Variants in TSHZ3 observed in about 807,000 individuals in gnomAD.
The protein encoded by TSHZ3 is teashirt homolog 3.
A neutral mutation model predicts 64.5 loss-of-function variants in TSHZ3; 10 were observed. The observed-to-expected ratio is 0.16, with a 90% CI of 0.10 to 0.26. TSHZ3 has a LOEUF of 0.26. Among genes scored for constraint, TSHZ3 ranks in the 10% least tolerant of loss-of-function variants. The probability of loss-of-function intolerance (pLI) is 1.00; values close to 1 mark genes in which losing one functional copy is unlikely to be tolerated. For synonymous variants in TSHZ3, 608 were observed against 593.1 expected (o/e 1.03, Z -0.36); for missense variants, 1,242 against 1,421.7 (o/e 0.87, Z 2.03).
chr19:31,350,699 G>T (rs1168269408), upstream of TSHZ3, among the ~76,000 whole-genome samples: 1 of 151,362 alleles, frequency 6.6e-6, no homozygotes, highest in African/African-American at 2.4e-5. Flanking sequence ...GTGGGCGGCG[G>T]GGCGACGCGG....
chr19:31,236,850 A>C (rs781024668), intron 3 of TSHZ3, among the ~76,000 whole-genome samples: 15 of 152,338 alleles, frequency 9.8e-5, no homozygotes, highest in Non-Finnish European at 1.8e-4. Flanking sequence ...TTTGTACAGC[A>C]AAAGAAACAA....
At chr19:31,307,498 G>A (rs565882677) in intron 1 of TSHZ3, among the ~76,000 whole-genome samples, 27 of 151,838 alleles carry the variant, frequency 1.8e-4, no homozygotes, top group Non-Finnish European at 3.4e-4. Context: ...AGCAGCACGC[G>A]GCACGGGGCT....
At chr19:31,169,138 G>A (rs1385752198) in intron 5 of TSHZ3, among the ~76,000 whole-genome samples, 1 of 151,954 alleles carries the variant, frequency 6.6e-6, no homozygotes, top group Non-Finnish European at 1.5e-5. Flanking sequence ...GAGAGAGAGA[G>A]AGAGACTAGT....
Position 31,259,292 on chromosome 19 carries a change from TAA to T in TSHZ3, n.64-16419_64-16418del, listed in dbSNP as rs575957800. ...CTTTTGGGTCGACTAAATTTTTAAATAAGTGATAAAATTATATTAGCGCAATT... is the reference window on the plus strand; with the variant it reads ...CTTTTGGGTCGACTAAATTTTTAAATGTGATAAAATTATATTAGCGCAATT... On this transcript the variant is annotated intron_variant and non_coding_transcript_variant, in intron 1 of 6. Transcript: ENST00000651361. Among the ~76,000 whole-genome samples the T allele has an allele frequency of 4.4e-3, 677 of 152,332 alleles. 10 individuals carry two copies. Among genetic ancestry groups the T allele is most frequent in the African/African-American group, 0.016 (655 of 41,582 alleles).
At chr19:31,268,840 C>A (rs1277241579) in intron 1 of TSHZ3, among the ~76,000 whole-genome samples, 12 of 152,100 alleles carry the variant, frequency 7.9e-5, no homozygotes, top group Admixed American at 7.9e-4. Context: ...TTTACGGCTG[C>A]CTCCCCGGGC....
chr19:31,180,947 T>A (rs936663730), intron 5 of TSHZ3, among the ~76,000 whole-genome samples: 1 of 151,812 alleles, frequency 6.6e-6, no homozygotes, highest in Non-Finnish European at 1.5e-5. Context: ...GATGTCACCA[T>A]CTTGTCAACT....
At chr19:31,286,034 C>T (rs1038235019) in intron 1 of TSHZ3, among the ~76,000 whole-genome samples, 17 of 152,108 alleles carry the variant, frequency 1.1e-4, no homozygotes, top group African/African-American at 4.1e-4. Context: ...CGACTGGGCA[C>T]CCGCATTCCA....
intron 5 of TSHZ3, among the ~76,000 whole-genome samples, chr19:31,166,205 A>T (rs1974449970): frequency 6.6e-6 from 1 of 152,204 alleles, no homozygotes; most frequent in Admixed American, 6.5e-5. Context: ...CACTGAGAAG[A>T]GAGGGGAGCC....
intron 1 of TSHZ3, among the ~76,000 whole-genome samples, chr19:31,323,408 T>C (rs1343439406): frequency 1.3e-5 from 2 of 152,280 alleles, no homozygotes; most frequent in African/African-American, 2.4e-5. Flanking sequence ...ATAGGTTTAA[T>C]TGTAAAACAT....
In TSHZ3 at chr19:31,279,067, G is replaced by T. The variant is rs1439130925; in HGVS notation, c.726C>A (p.Asp242Glu). Residue 242 changes from aspartate (D) to glutamate (E), a missense_variant, in exon 2 of 2, where the codon GAC (aspartate) becomes GAA (glutamate). Around this residue, in one of 4 missense-constraint regions of TSHZ3, gnomAD observed 555 missense variants for 704.0 expected, o/e 0.79. Coordinates refer to ENST00000240587, the MANE Select transcript of TSHZ3 (RefSeq NM_020856.4). The surrounding 1 kb of genome is among the most constrained non-coding windows in gnomAD (Gnocchi z 6.4). ...GGTTGTTGTTATCGGTCTCATGGTT[G>T]TCGTCGCGGTAATGCCCCGTCTCGT... is the stretch of plus-strand genomic sequence containing the variant. ...HMNETGHYRD[D>E]NHETDNNNPK... 1 of 1,614,110 alleles carries T rather than the reference G, an allele frequency of 6.2e-7. No individual in the cohort carries two copies. Among genetic ancestry groups the T allele is most frequent in the South Asian group, 1.1e-5 (1 of 91,066 alleles).
At chr19:31,274,131 ATG>A (rs993065437), downstream of TSHZ3, among the ~76,000 whole-genome samples, 4 of 151,780 alleles carry the variant, frequency 2.6e-5, no homozygotes, top group East Asian at 1.9e-4. Flanking sequence ...TTAATAAAAT[ATG>A]TGTTTTTTTT....
chr19:31,253,676 T>C (rs146426027), intron 1 of TSHZ3, among the ~76,000 whole-genome samples: 1 of 152,174 alleles, frequency 6.6e-6, no homozygotes, highest in East Asian at 1.9e-4. Context: ...AATGATCATA[T>C]ATGTAAAAAG....
At chr19:31,214,947 A>G (rs554605827) in intron 4 of TSHZ3, among the ~76,000 whole-genome samples, 1 of 151,316 alleles carries the variant, frequency 6.6e-6, no homozygotes, top group Non-Finnish European at 1.5e-5. Context: ...CGAGCATTCA[A>G]CCCTCATCCA....
chr19:31,277,040 G>A lies in TSHZ3; in HGVS notation c.2753C>T (p.Ser918Leu), dbSNP rs199819394. 1.9e-6 allele frequency: 3 copies of A among 1,610,446 alleles called. No homozygotes were observed. The highest frequency in any genetic ancestry group is 2.2e-5 in the East Asian group (1 of 44,800). The change falls in exon 2 of 2, where the codon TCA (serine) becomes TTA (leucine). Residue 918 changes from serine to leucine, a missense_variant. Around this residue, in one of 4 missense-constraint regions of TSHZ3, gnomAD observed 550 missense variants for 545.1 expected, o/e 1.01. Transcript: ENST00000240587. This position sits in a 1 kb window ranked among gnomAD's most constrained non-coding sequence, Gnocchi z 4.5. ...AQFAASLRQT[S>L]EGKYIMSDLS... Reference sequence around the variant, plus strand: ...GTCTGACATGATGTACTTCCCTTCTGAGGTCTGCCGGAGGCTGGCGGCAAA... The same window carrying A: ...GTCTGACATGATGTACTTCCCTTCTAAGGTCTGCCGGAGGCTGGCGGCAAA...
intron 4 of TSHZ3, among the ~76,000 whole-genome samples, chr19:31,205,773 C>G (rs1455265360): frequency 6.6e-6 from 1 of 152,220 alleles, no homozygotes; most frequent in Non-Finnish European, 1.5e-5. Flanking sequence ...GAATCCAATC[C>G]TACTCTTTGG....
intron 1 of TSHZ3, among the ~76,000 whole-genome samples, chr19:31,346,831 C>G (rs1255934921): frequency 6.6e-6 from 1 of 151,572 alleles, no homozygotes; most frequent in Non-Finnish European, 1.5e-5. Flanking sequence ...TTATCACCAG[C>G]CTAAATGTGG....
chr19:31,278,041 G>C lies in TSHZ3; in HGVS notation c.1752C>G (p.Ser584=), dbSNP rs753441638. The change falls in exon 2 of 2, where the codon TCC becomes TCG. Residue 584 remains serine, a synonymous_variant. Transcript: ENST00000240587. This position sits in a 1 kb window ranked among gnomAD's most constrained non-coding sequence, Gnocchi z 4.7. The part of the protein sequence containing the change: ...KPMFGNSEIV[S]PTKNQTLVSP... ...AGACCAGGGTCTGGTTTTTCGTCGG[G>C]GAGACAATCTCACTGTTGCCAAACA... 86 of 1,613,092 alleles carry C rather than the reference G, an allele frequency of 5.3e-5. No individual in the cohort carries two copies. Among genetic ancestry groups the C allele is most frequent in the Non-Finnish European group, 5.9e-6 (7 of 1,179,244 alleles).
chr19:31,313,786 C>T (rs1031174188), intron 1 of TSHZ3, among the ~76,000 whole-genome samples: 7 of 152,194 alleles, frequency 4.6e-5, no homozygotes, highest in South Asian at 2.1e-4. Context: ...AAGGCCCCAT[C>T]GGAGCCAAGC....
At chr19:31,192,577 C>A (rs1974926750) in intron 5 of TSHZ3, among the ~76,000 whole-genome samples, 1 of 152,076 alleles carries the variant, frequency 6.6e-6, no homozygotes, top group Non-Finnish European at 1.5e-5. Context: ...GCACTTTGGC[C>A]CTTTAAGTTC....
Sources: gnomAD v4.1 joint callset for allele counts (sites outside exome capture counted in the v4.1 genomes callset) on GRCh38, gnomAD v4.1.1 for gene constraint, gnomAD v4.1.1 regional missense constraint, Gnocchi (gnomAD v3.1) non-coding constraint, MANE v1.5 for transcripts, NCBI Gene and HGNC (gene_info 2026-07-23, HGNC 2026-07-21) for gene names.